ZCCHC10: variants seen among roughly 807,000 people sequenced by gnomAD.
ZCCHC10 encodes zinc finger CCHC domain-containing protein 10.
A neutral mutation model predicts 19.5 loss-of-function variants in ZCCHC10; 16 were observed. That is an observed-to-expected ratio of 0.82 (90% CI 0.56 to 1.25). The LOEUF (loss-of-function observed/expected upper bound fraction) is 1.25, where lower values mean the gene tolerates loss of function less well. ZCCHC10 is among the 50% of genes most tolerant of loss of function. ZCCHC10 has a pLI of 0.00. For synonymous variants in ZCCHC10, 67 were observed against 72.5 expected (o/e 0.92, Z 0.38); for missense variants, 197 against 201.0 (o/e 0.98, Z 0.12).
intron 3 of ZCCHC10, chr5:133,003,156 G>A (rs1223158198): frequency 9.1e-6 from 3 of 328,022 alleles, no homozygotes; most frequent in Admixed American, 3.3e-5. Context: ...AGAAGCATGC[G>A]AAGTTGATCC....
intron 1 of ZCCHC10, 109 bp downstream of exon 1, chr5:133,026,388 G>C: frequency 2.0e-6 from 3 of 1,469,328 alleles, no homozygotes; most frequent in Non-Finnish European, 2.8e-6. Flanking sequence ...AAGAGTGTTT[G>C]AGAAACGGAC....
chr5:133,026,064 A>C (rs1482476902), intron 1 of ZCCHC10, among the ~76,000 whole-genome samples: 1 of 152,158 alleles, frequency 6.6e-6, no homozygotes, highest in Non-Finnish European at 1.5e-5. Context: ...GTTCCTAAGG[A>C]AGGCGCTAGA....
chr5:133,025,196 G>C (rs1231973854), intron 1 of ZCCHC10, among the ~76,000 whole-genome samples: 2 of 151,600 alleles, frequency 1.3e-5, no homozygotes, highest in African/African-American at 4.8e-5. Flanking sequence ...AAGGCTGTTG[G>C]AAAAAAAAGC....
chr5:133,018,262 T>C (rs1764059348), intron 2 of ZCCHC10, among the ~76,000 whole-genome samples: 1 of 151,584 alleles, frequency 6.6e-6, no homozygotes, highest in South Asian at 2.1e-4. Flanking sequence ...TTTAAAGAAA[T>C]CTTTACTCTT....
Position 133,006,946 on chromosome 5 carries a change from GC to G in ZCCHC10, c.108-27del, listed in dbSNP as rs759442130. On this transcript the variant is annotated intron_variant, in intron 2 of 4. Transcript: ENST00000509437. ...CTACAGAACAAAAAACAGAATACAA[GC>G]CTTAAAATTCTGTCTTGTGACTTTC... 6 of 1,557,348 alleles carry G rather than the reference GC, an allele frequency of 3.9e-6. No homozygotes were observed. The African/African-American group carries it at 6.9e-5, about 18-fold the overall frequency.
At position 132,998,023 on chromosome 5, in the gene ZCCHC10, A is replaced by G. The variant is rs1762531803; in HGVS notation, c.*560T>C. ...CGTAACACAGCAATTTGAAACTTAC[A>G]GCATTCAAAAACTATAAATATATTA... is the stretch of plus-strand genomic sequence containing the variant. On this transcript the variant is annotated 3_prime_UTR_variant, in exon 5 of 5. Transcript: ENST00000509437. 6.6e-6 allele frequency: 1 copy of G among 152,220 alleles called. No individual in the cohort carries two copies. Among genetic ancestry groups the G allele is most frequent in the African/African-American group, 2.4e-5 (1 of 41,472 alleles). The allele number at this position is 152,220 out of a possible 1,614,324, so 9.4% of individuals were successfully genotyped here.
At chr5:133,003,148 A>G in intron 3 of ZCCHC10, 1 of 326,970 alleles carries the variant, frequency 3.1e-6, no homozygotes, top group South Asian at 3.0e-5. Flanking sequence ...TCAGGCCAAG[A>G]AGCATGCGAA....
chr5:133,014,151 ACTC>A (rs1374254531), intron 2 of ZCCHC10, among the ~76,000 whole-genome samples: 16 of 122,590 alleles, frequency 1.3e-4, no homozygotes, highest in Non-Finnish European at 1.7e-5. Flanking sequence ...CCTACTATTT[ACTC>A]TTTTTTTTTT....
intron 2 of ZCCHC10, among the ~76,000 whole-genome samples, chr5:133,011,087 T>C (rs1211434431): frequency 2.0e-5 from 3 of 151,822 alleles, no homozygotes; most frequent in Non-Finnish European, 4.4e-5. Flanking sequence ...CCACCGCACC[T>C]GGCTAAAAGG....
At chr5:133,024,678 G>A (rs1462178532) in intron 1 of ZCCHC10, among the ~76,000 whole-genome samples, 2 of 152,214 alleles carry the variant, frequency 1.3e-5, no homozygotes, top group Non-Finnish European at 2.9e-5. Flanking sequence ...AAGGTGGGCA[G>A]ATCACTTGAC....
At chr5:133,004,470 G>A (rs962578580) in intron 3 of ZCCHC10, among the ~76,000 whole-genome samples, 7 of 151,978 alleles carry the variant, frequency 4.6e-5, no homozygotes, top group Non-Finnish European at 1.0e-4. Context: ...CACCGCGCCC[G>A]GCTTAGTTCT....
chr5:133,000,157 C>T lies in ZCCHC10; in HGVS notation c.286G>A (p.Val96Ile), dbSNP rs770836214. ...CTTTTTTTCTTGGCCTTTCTTTCTACATTGGTTTCTCCAATGCTGATAAAC... is the reference window on the plus strand; with the variant it reads ...CTTTTTTTCTTGGCCTTTCTTTCTATATTGGTTTCTCCAATGCTGATAAAC... Reference protein sequence around the residue: ...LLQQSIGETNVERKAKKKRSK... With the variant: ...LLQQSIGETNIERKAKKKRSK... The change falls in exon 4 of 5, where the codon GTA (valine) becomes ATA (isoleucine). Residue 96 changes from valine to isoleucine, a missense_variant. Physicochemically the swap from Val to Ile is conservative, Grantham distance 29 (BLOSUM62 3). Transcript: ENST00000509437. The T allele has an allele frequency of 6.2e-7, 1 of 1,613,898 alleles. No homozygotes were observed. Among genetic ancestry groups the T allele is most frequent in the South Asian group, 1.1e-5 (1 of 91,010 alleles).
chr5:133,024,926 C>T (rs1199360362), intron 1 of ZCCHC10, among the ~76,000 whole-genome samples: 3 of 151,760 alleles, frequency 2.0e-5, no homozygotes, highest in Admixed American at 2.0e-4. Context: ...AAAAACCTGT[C>T]TGACTTCGAG....
intron 2 of ZCCHC10, among the ~76,000 whole-genome samples, chr5:133,014,283 C>T (rs1220321809): frequency 6.6e-6 from 1 of 152,042 alleles, no homozygotes; most frequent in East Asian, 1.9e-4. Context: ...CCTCAGCCTC[C>T]CCAGTAGCTG....
At chr5:133,000,246 T>A (rs781036164) in intron 3 of ZCCHC10, 73 bp from the exon 4 acceptor site, 2 of 1,528,770 alleles carry the variant, frequency 1.3e-6, no homozygotes, top group East Asian at 4.5e-5. Context: ...GCCCTTCTAC[T>A]ATCCCCCAAA....
chr5:132,998,466 T>G lies in ZCCHC10; in HGVS notation c.*117A>C. The G allele has an allele frequency of 2.3e-6, 2 of 875,472 alleles. No homozygotes were observed. Among genetic ancestry groups the G allele is most frequent in the Non-Finnish European group, 3.4e-6 (2 of 584,224 alleles). 54.2% of individuals were successfully genotyped at this position (875,472 alleles called of 1,614,324 possible). A position where few individuals can be genotyped will look rare whatever the true frequency, so the allele number is the denominator to read the frequency against. Reference sequence around the variant, plus strand: ...CTTACAATGTAAAACATTTAGAAACTTTTGAATTCTAGAAATGTTCACCAG... The same window carrying G: ...CTTACAATGTAAAACATTTAGAAACGTTTGAATTCTAGAAATGTTCACCAG... On this transcript the variant is annotated 3_prime_UTR_variant, in exon 5 of 5. Transcript: ENST00000509437.
intron 2 of ZCCHC10, chr5:133,011,240 T>C: frequency 6.6e-6 from 1 of 151,936 alleles, no homozygotes; most frequent in East Asian, 1.9e-4. Context: ...ACTGCATAAG[T>C]GAACATTTTA....
rs993301510 is a variant in ZCCHC10, at chr5:133,016,131, G to A, written c.107+6710C>T. 2.6e-5 allele frequency among the ~76,000 whole-genome samples: 4 copies of A among 152,102 alleles called. No individual in the cohort carries two copies. In the South Asian group the frequency reaches 6.2e-4, roughly 24 times the overall value. On this transcript the variant is annotated intron_variant, in intron 2 of 4. Transcript: ENST00000509437. ...CAACAAAAAAATATAGGCTCAGTTT[G>A]TATTTTCCCTGCTCCAGCCTGAAAC...
intron 3 of ZCCHC10, among the ~76,000 whole-genome samples, chr5:133,006,455 C>G (rs889359676): frequency 2.0e-4 from 31 of 152,096 alleles, no homozygotes; most frequent in South Asian, 1.4e-3. Context: ...TGATTTAACA[C>G]TTACTTTTTC....
Sources: gnomAD v4.1 joint callset for allele counts (sites outside exome capture counted in the v4.1 genomes callset) on GRCh38, gnomAD v4.1.1 for gene constraint, MANE v1.5 for transcripts, NCBI Gene and HGNC (gene_info 2026-07-23, HGNC 2026-07-21) for gene names.